PDE5A: variants seen among roughly 807,000 people sequenced by gnomAD.
PDE5A encodes cGMP-specific 3',5'-cyclic phosphodiesterase.
In PDE5A, 67 loss-of-function variants were observed where a neutral mutation model predicts 110.2. The observed-to-expected ratio is 0.61, with a 90% CI of 0.50 to 0.75. The LOEUF (loss-of-function observed/expected upper bound fraction) is 0.75, where lower values mean the gene tolerates loss of function less well. Among genes scored for constraint, PDE5A ranks in the 30% least tolerant of loss-of-function variants. PDE5A has a pLI of 0.00. For synonymous variants in PDE5A, 328 were observed against 351.2 expected (o/e 0.93, Z 0.74); for missense variants, 862 against 1,045.1 (o/e 0.82, Z 2.42).
rs917171468 is a variant in PDE5A, at chr4:119,627,843, G to A, written c.152+677C>T. 2.0e-5 allele frequency among the ~76,000 whole-genome samples: 3 copies of A among 152,224 alleles called. No individual in the cohort carries two copies. Among genetic ancestry groups the A allele is most frequent in the African/African-American group, 4.8e-5 (2 of 41,476 alleles). On this transcript the variant is annotated intron_variant, in intron 1 of 20. Transcript: ENST00000354960. The surrounding 1 kb of genome is among the most constrained non-coding windows in gnomAD (Gnocchi z 4.6). The stretch of plus-strand genomic sequence containing the variant: ...CGCTGCCCCTTGGGGTCCGCTCCAG[G>A]CGGCGCCTCCCCTGCGCCCTTTGTG...
intron 15 of PDE5A, among the ~76,000 whole-genome samples, chr4:119,508,555 T>G (rs1725634059): frequency 6.6e-6 from 1 of 152,024 alleles, no homozygotes; most frequent in Non-Finnish European, 1.5e-5. Flanking sequence ...CTTCTGGGTA[T>G]GTTAGGCTGG....
At position 119,607,192 on chromosome 4, in the gene PDE5A, A is replaced by C; in HGVS notation, c.258T>G (p.Ser86Arg). 6.2e-7 allele frequency: 1 copy of C among 1,613,954 alleles called. No individual in the cohort carries two copies. Among genetic ancestry groups the C allele is most frequent in the Non-Finnish European group, 8.5e-7 (1 of 1,179,970 alleles). ...CAGGGGCACTGTTATCTGCACGAGG[A>C]CTCTGCTGCAAGGGACAAGAGCAAG... ...TESCSCPLQQSPRADNSAPGT... is the reference protein window; with the variant it reads ...TESCSCPLQQRPRADNSAPGT... Residue 86 changes from serine (S) to arginine (R), a missense_variant, in exon 2 of 21, where the codon AGT becomes AGG. By Grantham distance (110) the Ser-to-Arg change is moderately radical. Coordinates refer to ENST00000354960, the MANE Select transcript of PDE5A (RefSeq NM_001083.4).
intron 3 of PDE5A, among the ~76,000 whole-genome samples, chr4:119,593,161 T>G (rs1053472912): frequency 6.6e-6 from 1 of 152,172 alleles, no homozygotes; most frequent in East Asian, 1.9e-4. Context: ...TTGGAAGAGT[T>G]TGGAAGTTTC....
At chr4:119,533,563 T>A (rs1726618196) in intron 11 of PDE5A, among the ~76,000 whole-genome samples, 1 of 152,176 alleles carries the variant, frequency 6.6e-6, no homozygotes, top group Non-Finnish European at 1.5e-5. Context: ...CAGTAAATCT[T>A]GCAGACAGTA....
At chr4:119,628,108 A>G in intron 1 of PDE5A, 1 of 845,866 alleles carries the variant, frequency 1.2e-6, no homozygotes, top group Non-Finnish European at 1.4e-6. Context: ...GAGCGGAGCC[A>G]TCAAGACCGA....
intron 12 of PDE5A, among the ~76,000 whole-genome samples, chr4:119,524,426 T>C (rs1726237903): frequency 2.0e-5 from 3 of 148,302 alleles, no homozygotes; most frequent in Admixed American, 2.0e-4. Context: ...CTAACAAGAG[T>C]AAAGTATTAT....
intron 3 of PDE5A, among the ~76,000 whole-genome samples, chr4:119,594,672 CTAAT>C (rs536937619): frequency 1.2e-4 from 18 of 152,256 alleles, no homozygotes; most frequent in Non-Finnish European, 2.2e-4. Context: ...GTTAATTAAA[CTAAT>C]TAATTAATCT....
intron 19 of PDE5A, 30 bp from the exon 20 acceptor site, chr4:119,501,283 A>G: frequency 1.6e-6 from 2 of 1,223,562 alleles, no homozygotes; most frequent in Non-Finnish European, 2.4e-6. Context: ...CCAGACACAC[A>G]GATGTGCATT....
At chr4:119,602,310 C>T (rs1182778907) in intron 2 of PDE5A, among the ~76,000 whole-genome samples, 11 of 151,834 alleles carry the variant, frequency 7.2e-5, no homozygotes, top group Non-Finnish European at 1.5e-4. Flanking sequence ...AAAGAGGAAA[C>T]GATAAAGCAA....
At chr4:119,600,904 A>C (rs1182300488) in intron 2 of PDE5A, among the ~76,000 whole-genome samples, 1 of 152,210 alleles carries the variant, frequency 6.6e-6, no homozygotes, top group African/African-American at 2.4e-5. Context: ...GGGAAAAACT[A>C]TTGGAGAAAC....
chr4:119,561,522 A>C (rs1353720793), intron 6 of PDE5A, among the ~76,000 whole-genome samples: 1 of 152,200 alleles, frequency 6.6e-6, no homozygotes, highest in Non-Finnish European at 1.5e-5. Context: ...GTGCGAATTA[A>C]AGTGATATTT....
At chr4:119,628,496 G>A (rs963845064) in intron 1 of PDE5A, 24 bp downstream of exon 1, 2 of 1,533,284 alleles carry the variant, frequency 1.3e-6, no homozygotes, top group Non-Finnish European at 1.8e-6. Context: ...TCAGCCCCGG[G>A]TCTTCCGTGG....
intron 7 of PDE5A, 128 bp downstream of exon 7, chr4:119,560,168 G>T: frequency 1.7e-6 from 1 of 586,292 alleles, no homozygotes; most frequent in Non-Finnish European, 3.0e-6. Context: ...GACCGTAAAT[G>T]TGAGAAAAGA....
At chr4:119,590,933 A>G (rs1339873484) in intron 3 of PDE5A, among the ~76,000 whole-genome samples, 1 of 152,220 alleles carries the variant, frequency 6.6e-6, no homozygotes, top group Non-Finnish European at 1.5e-5. Context: ...TAATGATTCA[A>G]TAATCACAGT....
chr4:119,601,024 A>G (rs1315720633), intron 2 of PDE5A, among the ~76,000 whole-genome samples: 2 of 152,182 alleles, frequency 1.3e-5, no homozygotes, highest in African/African-American at 4.8e-5. Context: ...GTACAATTAA[A>G]CATGTTTCTG....
At chr4:119,528,281 A>G (rs956235521) in intron 11 of PDE5A, among the ~76,000 whole-genome samples, 2 of 152,110 alleles carry the variant, frequency 1.3e-5, no homozygotes, top group Non-Finnish European at 2.9e-5. Flanking sequence ...AAAAATTAAA[A>G]AAAATTCAAC....
At chr4:119,571,292 T>C (rs1728132431) in intron 3 of PDE5A, among the ~76,000 whole-genome samples, 1 of 152,180 alleles carries the variant, frequency 6.6e-6, no homozygotes, top group African/African-American at 2.4e-5. Flanking sequence ...TATGTGACCC[T>C]TAAATGACAA....
At position 119,570,957 on chromosome 4, in the gene PDE5A, T is replaced by C. The variant is rs556119213; in HGVS notation, c.832-3813A>G. 2.6e-5 allele frequency among the ~76,000 whole-genome samples: 4 copies of C among 152,332 alleles called. No individual in the cohort carries two copies. The South Asian group carries it at 8.3e-4, about 32-fold the overall frequency. On this transcript the variant is annotated intron_variant, in intron 3 of 20. Coordinates refer to ENST00000354960, the MANE Select transcript of PDE5A (RefSeq NM_001083.4). ...TTTTCAAACTTTTCTTTGACTCATT[T>C]ATTCATTCTGCCATAAATACTTTAT...
intron 1 of PDE5A, among the ~76,000 whole-genome samples, chr4:119,619,037 T>C (rs1730045132): frequency 6.6e-6 from 1 of 152,172 alleles, no homozygotes; most frequent in East Asian, 1.9e-4. Flanking sequence ...GCCTTTTTCA[T>C]TAGTCATGTG....
Sources: gnomAD v4.1 joint callset for allele counts (sites outside exome capture counted in the v4.1 genomes callset) on GRCh38, gnomAD v4.1.1 for gene constraint, Gnocchi (gnomAD v3.1) non-coding constraint, MANE v1.5 for transcripts, NCBI Gene and HGNC (gene_info 2026-07-23, HGNC 2026-07-21) for gene names.